Variants in DST observed in about 807,000 individuals in gnomAD.
DST encodes the protein dystonin.
A neutral mutation model predicts 875.2 loss-of-function variants in DST; 253 were observed. That is an observed-to-expected ratio of 0.29 (90% CI 0.26 to 0.32). The LOEUF (loss-of-function observed/expected upper bound fraction) is 0.32. Ranked by LOEUF, DST falls within the 10% of genes least tolerant of loss-of-function variation. The pLI is 1.00. For missense variants in DST, 8,287 were observed against 9,111.6 expected (o/e 0.91, Z 3.68); for synonymous variants, 3,124 against 3,197.1 (o/e 0.98, Z 0.77).
At chr6:56,687,678 T>A (rs1300077546) in intron 9 of DST, among the ~76,000 whole-genome samples, 5 of 152,050 alleles carry the variant, frequency 3.3e-5, no homozygotes, top group African/African-American at 1.2e-4. Context: ...CAGGCAAATA[T>A]TTCCAAGCCA....
intron 4 of DST, among the ~76,000 whole-genome samples, chr6:56,801,143 A>C (rs2099746313): frequency 9.4e-6 from 1 of 106,708 alleles, no homozygotes; most frequent in Non-Finnish European, 2.2e-5. Context: ...AACCTTTGCC[A>C]CATTTTTTAA....
Position 56,632,953 on chromosome 6 carries a change from C to T in DST, c.3706G>A (p.Glu1236Lys), listed in dbSNP as rs1483840789. 1.2e-6 allele frequency: 2 copies of T among 1,613,884 alleles called. No individual in the cohort carries two copies. Among genetic ancestry groups the T allele is most frequent in the South Asian group, 2.2e-5 (2 of 91,078 alleles). The change falls in exon 28 of 104, where the codon GAA (glutamate) becomes AAA (lysine). Residue 1236 changes from glutamate to lysine, a missense_variant. By Grantham distance (56) the Glu-to-Lys change is moderately conservative (BLOSUM62 1). Transcript: ENST00000680361. ...TCTGAGCCTGAAAAGACTTGGGATT[C>T]CTGGCTATCTTCCAGAAAATCTTCA... ...RFEDFLEDSQ[E>K]SQVFSGSDIT...
intron 75 of DST, among the ~76,000 whole-genome samples, chr6:56,507,753 T>C (rs980564740): frequency 2.6e-5 from 4 of 152,212 alleles, no homozygotes; most frequent in South Asian, 2.1e-4. Context: ...TTTGGAAACA[T>C]AGGCATGAGC....
intron 2 of DST, among the ~76,000 whole-genome samples, chr6:56,908,917 C>A (rs1292075195): frequency 7.9e-5 from 12 of 152,240 alleles, no homozygotes; most frequent in Non-Finnish European, 1.8e-4. Flanking sequence ...TAATCCACCC[C>A]TTGTTTAGCA....
intron 4 of DST, among the ~76,000 whole-genome samples, chr6:56,819,204 C>G (rs953048304): frequency 6.6e-6 from 1 of 152,124 alleles, no homozygotes; most frequent in African/African-American, 2.4e-5. Context: ...CAACATCCAT[C>G]AGAAGTATAT....
chr6:56,657,093 G>GT (rs2099012654), intron 10 of DST, among the ~76,000 whole-genome samples: 1 of 152,026 alleles, frequency 6.6e-6, no homozygotes, highest in Non-Finnish European at 1.5e-5. Flanking sequence ...ACTAAACCAT[G>GT]TTAAAAACCC....
chr6:56,719,803 A>G (rs1022971840), intron 5 of DST, among the ~76,000 whole-genome samples: 2 of 152,240 alleles, frequency 1.3e-5, no homozygotes, highest in Non-Finnish European at 2.9e-5. Flanking sequence ...CCCACAAGCC[A>G]CAAAACCAGC....
At chr6:56,852,209 G>A (rs902261176) in intron 3 of DST, among the ~76,000 whole-genome samples, 3 of 152,206 alleles carry the variant, frequency 2.0e-5, no homozygotes, top group African/African-American at 7.2e-5. Flanking sequence ...GGGAGGAAGG[G>A]CTGATTCTGA....
intron 4 of DST, among the ~76,000 whole-genome samples, chr6:56,751,441 T>C (rs1043620893): frequency 5.3e-5 from 8 of 150,970 alleles, no homozygotes; most frequent in African/African-American, 1.7e-4. Context: ...TCAAAGAATA[T>C]CTATTTTTTA....
Position 56,573,878 on chromosome 6 carries a change from A to G in DST, c.13037T>C (p.Val4346Ala), listed in dbSNP as rs1475331888. 9.9e-6 allele frequency: 16 copies of G among 1,612,108 alleles called. No individual in the cohort carries two copies. Among genetic ancestry groups the G allele is most frequent in the Admixed American group, 1.7e-5 (1 of 59,776 alleles). ...CTTGGACAGATCCTCATATCTCCCAACAATGTCATCTACTCCAAACAGATC... is the reference window on the plus strand; with the variant it reads ...CTTGGACAGATCCTCATATCTCCCAGCAATGTCATCTACTCCAAACAGATC... Reference protein sequence around the residue: ...NDIQKTLDDIVGRYEDLSKSV... With the variant: ...NDIQKTLDDIAGRYEDLSKSV... The change falls in exon 51 of 104, where the codon GTT becomes GCT. Residue 4346 changes from valine (V) to alanine (A), a missense_variant. Around this residue, in one of 10 missense-constraint regions of DST, gnomAD observed 1,513 missense variants for 1,677.8 expected, o/e 0.90. Transcript: ENST00000680361.
At chr6:56,911,110 A>G (rs140119606) in intron 2 of DST, among the ~76,000 whole-genome samples, 9 of 152,308 alleles carry the variant, frequency 5.9e-5, no homozygotes, top group East Asian at 5.8e-4. Flanking sequence ...CTTGACACTT[A>G]GGCTGTGTCT....
intron 4 of DST, among the ~76,000 whole-genome samples, chr6:56,832,226 C>T (rs2099788016): frequency 6.6e-6 from 1 of 152,092 alleles, no homozygotes; most frequent in African/African-American, 2.4e-5. Flanking sequence ...CATATTTTGG[C>T]CAAATCCCAT....
chr6:56,471,263 C>A lies in DST; in HGVS notation c.22164G>T (p.Arg7388Ser), dbSNP rs886189462. The A allele has an allele frequency of 8.2e-6, 13 of 1,581,992 alleles. No homozygotes were observed. The highest frequency in any genetic ancestry group is 1.1e-5 in the Non-Finnish European group (13 of 1,162,578). ...TATCAAAATCAAAGTTAGCAAATTCCCTCAGCTAAAAGGACAAAAAGTATT... is the reference window on the plus strand; with the variant it reads ...TATCAAAATCAAAGTTAGCAAATTCACTCAGCTAAAAGGACAAAAAGTATT... ...NDALDRLEEL[R>S]EFANFDFDIW... Residue 7388 changes from arginine (R) to serine (S), a missense_variant, in exon 95 of 104, where the codon AGG becomes AGT. By Grantham distance (110) the Arg-to-Ser change is moderately radical. Around this residue, in one of 10 missense-constraint regions of DST, gnomAD observed 1,292 missense variants for 1,552.7 expected, o/e 0.83. Coordinates refer to ENST00000680361, the MANE Select transcript of DST (RefSeq NM_001374736.1).
intron 3 of DST, among the ~76,000 whole-genome samples, chr6:56,892,608 G>A (rs1362425396): frequency 6.6e-6 from 1 of 152,102 alleles, no homozygotes; most frequent in Non-Finnish European, 1.5e-5. Flanking sequence ...TTCCAGGTGT[G>A]AGCCGCCACG....
chr6:56,661,557 C>CA, intron 10 of DST, among the ~76,000 whole-genome samples: 1 of 151,520 alleles, frequency 6.6e-6, no homozygotes, highest in Non-Finnish European at 1.5e-5. Flanking sequence ...TAGGCACTCT[C>CA]ATAAGCTAAC....
chr6:56,807,432 C>G lies in DST; in HGVS notation c.625+43965G>C, dbSNP rs991878852. On this transcript the variant is annotated intron_variant, in intron 4 of 103. Coordinates refer to ENST00000680361, the MANE Select transcript of DST (RefSeq NM_001374736.1). ...AAATTTACATGGAAATATAAAGGAA[C>G]AGACTAGCCAAAACAATTACGTAAA... Among the ~76,000 whole-genome samples the G allele has an allele frequency of 2.0e-5, 3 of 152,286 alleles. No homozygotes were observed. In the South Asian group the frequency reaches 6.2e-4, roughly 32 times the overall value.
intron 4 of DST, among the ~76,000 whole-genome samples, chr6:56,825,113 A>T (rs2099778596): frequency 1.3e-5 from 2 of 151,640 alleles, no homozygotes; most frequent in East Asian, 1.9e-4. Context: ...TCTGTGTAGA[A>T]AGAAGTAGAC....
chr6:56,675,377 CAAGT>C (rs2099123380), intron 9 of DST, among the ~76,000 whole-genome samples: 1 of 151,982 alleles, frequency 6.6e-6, no homozygotes. Flanking sequence ...TCCAAAAGCA[CAAGT>C]AAGAAAAGCA....
At chr6:56,890,538 T>C (rs1241612682) in intron 3 of DST, among the ~76,000 whole-genome samples, 1 of 152,224 alleles carries the variant, frequency 6.6e-6, no homozygotes, top group African/African-American at 2.4e-5. Context: ...AAATTTTTAG[T>C]TTATCCACTT....
Sources: allele counts gnomAD v4.1 joint callset (sites outside exome capture counted in the v4.1 genomes callset), GRCh38; gene constraint gnomAD v4.1.1; regional missense constraint gnomAD v4.1.1; transcripts MANE v1.5; gene names NCBI Gene and HGNC (gene_info 2026-07-23, HGNC 2026-07-21).